FGF13: variants seen among roughly 807,000 people sequenced by gnomAD.
FGF13 encodes fibroblast growth factor 13.
A neutral mutation model predicts 19.5 loss-of-function variants in FGF13; 2 were observed. The observed-to-expected ratio is 0.10, with a 90% CI of 0.04 to 0.32. FGF13 has a LOEUF of 0.32. Among genes scored for constraint, FGF13 ranks in the 10% least tolerant of loss-of-function variants. FGF13 has a pLI of 1.00. For missense variants in FGF13, 113 were observed against 192.7 expected (o/e 0.59, Z 2.45); for synonymous variants, 72 against 76.9 (o/e 0.94, Z 0.33).
At chrX:138,977,522 C>T (rs1351079719) in intron 1 of FGF13, among the ~76,000 whole-genome samples, 2 of 112,611 alleles carry the variant, frequency 1.8e-5, no homozygotes, top group African/African-American at 6.5e-5. Flanking sequence ...GCAACTTCCT[C>T]ACAATCACAT....
chrX:139,103,130 G>A (rs1470471038), intron 1 of FGF13, among the ~76,000 whole-genome samples: 1 of 111,825 alleles, frequency 8.9e-6, no homozygotes, highest in Non-Finnish European at 1.9e-5. Context: ...CAGTGTCCTA[G>A]AGGCAATAAG....
chrX:138,830,687 T>TTGTGTGTGTGTG (rs144759178), intron 3 of FGF13, among the ~76,000 whole-genome samples: 1,597 of 87,474 alleles, frequency 0.018, 21 homozygotes, highest in South Asian at 0.023. Flanking sequence ...AAAGGGGTGT[T>TTGTGTGTGTGTG]TGTGTGTGTG....
At chrX:138,709,073 C>T (rs2090018406) in intron 1 of FGF13, 145 bp from the exon 2 acceptor site, 1 of 383,373 alleles carries the variant, frequency 2.6e-6, no homozygotes, top group Non-Finnish European at 4.5e-6. Flanking sequence ...AGAAAGAAAA[C>T]AAACTCTGAG....
At chrX:138,727,396 A>T (rs1192285602) in intron 1 of FGF13, among the ~76,000 whole-genome samples, 1 of 110,720 alleles carries the variant, frequency 9.0e-6, no homozygotes, top group East Asian at 2.9e-4. Flanking sequence ...TCTCTTATAT[A>T]AAGGGAGAGA....
At chrX:138,809,597 G>T (rs7050052) in intron 3 of FGF13, among the ~76,000 whole-genome samples, 182 of 111,231 alleles carry the variant, frequency 1.6e-3, no homozygotes, top group African/African-American at 5.7e-3. Flanking sequence ...TCTGGCCAGG[G>T]CAATCAAGCA....
chrX:138,980,675 G>GT (rs59636336), intron 1 of FGF13, among the ~76,000 whole-genome samples: 2,936 of 84,606 alleles, frequency 0.035, 60 homozygotes, highest in Admixed American at 0.059. Flanking sequence ...CAGAAGTGTG[G>GT]TTTTTTTTTT....
rs1263155664 is a variant in FGF13, at chrX:138,625,498, C to CAT, written c.*7350_*7351dup. The CAT allele has an allele frequency of 3.4e-4, 29 of 85,870 alleles. No individual in the cohort carries two copies. Among genetic ancestry groups the CAT allele is most frequent in the East Asian group, 1.3e-3 (4 of 3,070 alleles). 7.1% of individuals were successfully genotyped at this position (85,870 alleles called of 1,213,427 possible). On this transcript the variant is annotated 3_prime_UTR_variant, in exon 5 of 5. Transcript: ENST00000315930. ...TATATATATATAATATATATATATA[C>CAT]ATATATATATATAATATAATATATA...
Position 138,625,486 on chromosome X carries a change from T to TATATATATACATATATATATATAATATA in FGF13, c.*7363_*7364insTATATTATATATATATATGTATATATAT, listed in dbSNP as rs1569347624. On this transcript the variant is annotated 3_prime_UTR_variant, in exon 5 of 5. Transcript: ENST00000315930. ...TATATATATACATATATATATATAA[T>TATATATATACATATATATATATAATATA]ATATATATATACATATATATATATA... 1.1e-5 allele frequency: 1 copy of TATATATATACATATATATATATAATATA among 91,531 alleles called. No individual in the cohort carries two copies. The highest frequency in any genetic ancestry group is 4.3e-5 in the African/African-American group (1 of 23,143). 7.5% of individuals were successfully genotyped at this position (91,531 alleles called of 1,213,427 possible).
chrX:139,028,611 G>GTGTC (rs1412639766), intron 1 of FGF13, among the ~76,000 whole-genome samples: 1 of 54,124 alleles, frequency 1.8e-5, no homozygotes, highest in African/African-American at 7.7e-5. Context: ...GTGTGTGTGT[G>GTGTC]TGTGTGAGAG....
In FGF13 at chrX:138,697,501, G is replaced by A. The variant is rs144355394; in HGVS notation, c.402+5483C>T. 6.1e-3 allele frequency among the ~76,000 whole-genome samples: 662 copies of A among 109,260 alleles called. 4 individuals carry two copies. Among genetic ancestry groups the A allele is most frequent in the Non-Finnish European group, 8.2e-3 (431 of 52,602 alleles). The allele number at this position is 109,260 out of a possible 115,157, so 94.9% of individuals were successfully genotyped here. A position where few individuals can be genotyped will look rare whatever the true frequency, so the allele number is the denominator to read the frequency against. On this transcript the variant is annotated intron_variant, in intron 3 of 4. Transcript: ENST00000315930. ...TATGGTAGTCCCAGGACTACAAAAC[G>A]TGACAGTAAAATCACTCCTACAAGT...
At chrX:138,972,056 T>TTGTGTGTGTGTGTGTGTGTGTGTGTG (rs370317832) in intron 1 of FGF13, among the ~76,000 whole-genome samples, 1 of 94,965 alleles carries the variant, frequency 1.1e-5, no homozygotes, top group Admixed American at 1.2e-4. Flanking sequence ...TAGTATTCTA[T>TTGTGTGTGTGTGTGTGTGTGTGTGTG]TGTGTGTGTG....
chrX:138,970,835 C>G (rs774469613), intron 1 of FGF13, among the ~76,000 whole-genome samples: 7 of 111,361 alleles, frequency 6.3e-5, no homozygotes, highest in Admixed American at 3.8e-4. Context: ...TGATTTTAGG[C>G]ACTAGAGTTG....
At chrX:138,903,304 T>C (rs1444423203) in intron 1 of FGF13, among the ~76,000 whole-genome samples, 1 of 111,817 alleles carries the variant, frequency 8.9e-6, no homozygotes, top group East Asian at 2.8e-4. Flanking sequence ...AATGATTTCT[T>C]ATGGCGTCGA....
At chrX:138,970,695 C>T (rs766463557) in intron 1 of FGF13, among the ~76,000 whole-genome samples, 49 of 111,429 alleles carry the variant, frequency 4.4e-4, no homozygotes, top group African/African-American at 1.4e-3. Context: ...GGAGTTAATA[C>T]ATCACTTCCA....
At chrX:138,953,280 G>C (rs1267775325) in intron 1 of FGF13, among the ~76,000 whole-genome samples, 5 of 111,139 alleles carry the variant, frequency 4.5e-5, no homozygotes, top group Non-Finnish European at 9.4e-5. Flanking sequence ...CCTGTGCAGG[G>C]ACATGGATGA....
intron 1 of FGF13, among the ~76,000 whole-genome samples, chrX:139,136,780 T>C (rs1190539221): frequency 8.9e-6 from 1 of 111,951 alleles, no homozygotes; most frequent in Non-Finnish European, 1.9e-5. Flanking sequence ...GAGTTGGTCA[T>C]GTAGACACTT....
In FGF13 at chrX:138,795,304, A is replaced by G. The variant is rs186149542; in HGVS notation, c.217+62208T>C. Among the ~76,000 whole-genome samples the G allele has an allele frequency of 1.9e-3, 213 of 112,198 alleles. 1 individual carries two copies. The highest frequency in any genetic ancestry group is 3.5e-3 in the Non-Finnish European group (185 of 53,247). ...GCCTTACTCATTCTTCACACTATATAATTTGGCAAAAAGTCCTACAATAAA... is the reference window on the plus strand; with the variant it reads ...GCCTTACTCATTCTTCACACTATATGATTTGGCAAAAAGTCCTACAATAAA... On this transcript the variant is annotated intron_variant, in intron 3 of 6. Coordinates refer to the FGF13 transcript ENST00000436198.
At chrX:139,003,192 G>T (rs937818412) in intron 1 of FGF13, among the ~76,000 whole-genome samples, 19 of 110,677 alleles carry the variant, frequency 1.7e-4, no homozygotes, top group African/African-American at 6.3e-4. Flanking sequence ...CTTCTGGTGG[G>T]TTCGTGGTCT....
intron 1 of FGF13, among the ~76,000 whole-genome samples, chrX:138,984,507 A>G (rs1364239994): frequency 2.7e-5 from 2 of 73,181 alleles, no homozygotes; most frequent in Non-Finnish European, 5.1e-5. Flanking sequence ...GAAGGAGAAG[A>G]AGAGGAAGAA....
Sources: allele counts gnomAD v4.1 joint callset (sites outside exome capture counted in the v4.1 genomes callset), GRCh38; gene constraint gnomAD v4.1.1; transcripts MANE v1.5; gene names NCBI Gene and HGNC (gene_info 2026-07-23, HGNC 2026-07-21).